Variants in REXO1 observed in about 807,000 individuals in gnomAD.
REXO1 encodes the protein RNA exonuclease 1 homolog.
REXO1 carries 42 observed loss-of-function variants against 102.6 expected under a neutral mutation model. The ratio of observed to expected loss-of-function variants is 0.41; its 90% CI spans 0.32 to 0.53. The LOEUF (loss-of-function observed/expected upper bound fraction) is 0.53. Ranked by LOEUF, REXO1 falls within the 20% of genes least tolerant of loss-of-function variation. The pLI is 0.27. For missense variants in REXO1, 1,819 were observed against 1,732.5 expected (o/e 1.05, Z -0.89); for synonymous variants, 908 against 779.1 (o/e 1.17, Z -2.76).
At chr19:1,848,162 G>A (rs1053049570) in intron 1 of REXO1, 40 bp downstream of exon 1, 28 of 1,062,720 alleles carry the variant, frequency 2.6e-5, no homozygotes, top group African/African-American at 3.3e-5. Context: ...GACCCGGGCA[G>A]GGGAGCCGAG....
Position 1,816,307 on chromosome 19 carries a change from G to A in REXO1, c.3495C>T (p.Phe1165=), listed in dbSNP as rs771528140. 5 of 1,589,844 alleles carry A rather than the reference G, an allele frequency of 3.1e-6. No individual in the cohort carries two copies. Among genetic ancestry groups the A allele is most frequent in the Non-Finnish European group, 4.3e-6 (5 of 1,168,678 alleles). ...HSTVVDTSVL[F]PHRLGLPYKR... Reference sequence around the variant, plus strand: ...TGTAGGGGAGGCCCAGGCGGTGGGGGAAGAGCACAGACGTGTCCACCACGG... The same window carrying A: ...TGTAGGGGAGGCCCAGGCGGTGGGGAAAGAGCACAGACGTGTCCACCACGG... The change falls in exon 15 of 16, where the codon TTC becomes TTT. Residue 1165 remains phenylalanine, a synonymous_variant. Transcript: ENST00000170168.
Position 1,827,935 on chromosome 19 carries a change from C to A in REXO1, c.854G>T (p.Arg285Met), listed in dbSNP as rs755879034. The part of the protein sequence containing the change: ...LCDPFGSCDA[R>M]FSDSEDEAAT... Reference sequence around the variant, plus strand: ...GGCCTCATCTTCTGAGTCTGAGAACCTTGCATCGCAACTGCCAAAGGGGTC... The same window carrying A: ...GGCCTCATCTTCTGAGTCTGAGAACATTGCATCGCAACTGCCAAAGGGGTC... The change falls in exon 2 of 16, where the codon AGG becomes ATG. Residue 285 changes from arginine to methionine, a missense_variant. Physicochemically the swap from Arg to Met is moderately conservative, Grantham distance 91. Coordinates refer to ENST00000170168, the MANE Select transcript of REXO1 (RefSeq NM_020695.4). 6.2e-7 allele frequency: 1 copy of A among 1,613,768 alleles called. No homozygotes were observed. Among genetic ancestry groups the A allele is most frequent in the Non-Finnish European group, 8.5e-7 (1 of 1,179,884 alleles).
In REXO1 at chr19:1,816,684, G is replaced by A; in HGVS notation, c.3317+14C>T. ...CTGGGAGGGCTCCCAGCTCGTGGAG[G>A]GCACTGGCCACACCTGGTGTTGTAG... On this transcript the variant is annotated intron_variant, in intron 13 of 15. Transcript: ENST00000170168. The A allele has an allele frequency of 6.2e-6, 10 of 1,610,236 alleles. No individual in the cohort carries two copies. The highest frequency in any genetic ancestry group is 8.5e-6 in the Non-Finnish European group (10 of 1,177,774).
rs755591007 is a variant in REXO1 at position 1,817,790 on chromosome 19, A to G, written c.3017-10T>C. 3.7e-6 allele frequency: 6 copies of G among 1,609,584 alleles called. No individual in the cohort carries two copies. Among genetic ancestry groups the G allele is most frequent in the Non-Finnish European group, 5.1e-6 (6 of 1,178,158 alleles). ...TCCCAGCCTCCGGCCACTGCAGGGG[A>G]CACAGACACACAGTCAGGGCCCGGC... is the stretch of plus-strand genomic sequence containing the variant. On this transcript the variant is annotated splice_polypyrimidine_tract_variant and intron_variant, in intron 10 of 15. Coordinates refer to ENST00000170168, the MANE Select transcript of REXO1 (RefSeq NM_020695.4).
rs775916033 is a variant in REXO1, at chr19:1,818,631, C to T, written c.2903-36G>A. ...GGACCCAGGTGGAAGCTGAGGCTCA[C>T]GCTGGGGCCCGCATGCCCGGCCTTG... On this transcript the variant is annotated intron_variant, in intron 9 of 15. Transcript: ENST00000170168. 9 of 1,607,176 alleles carry T rather than the reference C, an allele frequency of 5.6e-6. No individual in the cohort carries two copies. In the East Asian group the frequency reaches 1.1e-4, roughly 20 times the overall value.
Position 1,826,808 on chromosome 19 carries a change from TAGA to T in REXO1, c.1911+67_1911+69del, listed in dbSNP as rs1447373745. The T allele has an allele frequency of 9.8e-6, 15 of 1,529,134 alleles. No homozygotes were observed. The highest frequency in any genetic ancestry group is 8.9e-5 in the Admixed American group (4 of 44,730). The allele number at this position is 1,529,134 out of a possible 1,614,324, so 94.7% of individuals were successfully genotyped here. On this transcript the variant is annotated intron_variant, in intron 2 of 15. Coordinates refer to ENST00000170168, the MANE Select transcript of REXO1 (RefSeq NM_020695.4). The surrounding 1 kb of genome is among the most constrained non-coding windows in gnomAD (Gnocchi z 4.3). ...CGAGCCAACTGGAAACCACTCCAGATAGAAGGTCTCTCACCAGGCCCTCGGCTC... is the reference window on the plus strand; with the variant it reads ...CGAGCCAACTGGAAACCACTCCAGATAGGTCTCTCACCAGGCCCTCGGCTC...
intron 10 of REXO1, among the ~76,000 whole-genome samples, chr19:1,818,138 A>C (rs901587484): frequency 7.2e-5 from 11 of 152,020 alleles, no homozygotes; most frequent in Non-Finnish European, 1.3e-4. Context: ...ATTGAATAGA[A>C]CCACCAGGCC....
intron 12 of REXO1, 94 bp from the exon 13 acceptor site, chr19:1,816,907 C>A: frequency 1.0e-6 from 1 of 956,728 alleles, no homozygotes; most frequent in Non-Finnish European, 1.6e-6. Context: ...CCCCTCCAGG[C>A]AGAGGCAGTG....
chr19:1,838,443 A>C (rs1274769835), intron 1 of REXO1, among the ~76,000 whole-genome samples: 1 of 151,872 alleles, frequency 6.6e-6, no homozygotes, highest in Non-Finnish European at 1.5e-5. Flanking sequence ...ACATGCAGAA[A>C]TCCTGTCTCT....
At position 1,831,542 on chromosome 19, in the gene REXO1, G is replaced by T. The variant is rs541892916; in HGVS notation, c.158-2911C>A. 2.4e-3 allele frequency among the ~76,000 whole-genome samples: 370 copies of T among 152,080 alleles called. 2 individuals carry two copies. Among genetic ancestry groups the T allele is most frequent in the African/African-American group, 7.5e-3 (310 of 41,496 alleles). On this transcript the variant is annotated intron_variant, in intron 1 of 15. Transcript: ENST00000170168. ...CCCCCTCAAGCCCCAGCAGGCATAAGAAAGAAATGGCTGGTTTCGGCCGGT... is the reference window on the plus strand; with the variant it reads ...CCCCCTCAAGCCCCAGCAGGCATAATAAAGAAATGGCTGGTTTCGGCCGGT...
At chr19:1,816,405 G>T (rs752786161) in intron 14 of REXO1, 26 bp downstream of exon 14, 23 of 1,605,838 alleles carry the variant, frequency 1.4e-5, no homozygotes, top group Non-Finnish European at 1.8e-5. Context: ...CTGGAGAACC[G>T]CGCGGGACCC....
intron 1 of REXO1, among the ~76,000 whole-genome samples, chr19:1,836,811 GC>G (rs1305347484): frequency 6.6e-6 from 1 of 151,860 alleles, no homozygotes; most frequent in Non-Finnish European, 1.5e-5. Flanking sequence ...CGTTCGGTGG[GC>G]CCGCAGGGCT....
At position 1,819,755 on chromosome 19, in the gene REXO1, T is replaced by C. The variant is rs377479343; in HGVS notation, c.2650+179A>G. Among the ~76,000 whole-genome samples, 408 of 152,230 alleles carry C rather than the reference T, an allele frequency of 2.7e-3. 2 individuals are homozygous for C. The highest frequency in any genetic ancestry group is 9.0e-3 in the African/African-American group (374 of 41,544). Reference sequence around the variant, plus strand: ...TGACAGCGAGGACACCAGGGCCAGGTCCGTCCTACACAGAAGCCTGGGAAC... The same window carrying C: ...TGACAGCGAGGACACCAGGGCCAGGCCCGTCCTACACAGAAGCCTGGGAAC... On this transcript the variant is annotated intron_variant, in intron 7 of 15. Transcript: ENST00000170168.
At position 1,848,308 on chromosome 19, in the gene REXO1, A is replaced by G; in HGVS notation, c.51T>C (p.Ser17=). The G allele has an allele frequency of 8.1e-7, 1 of 1,230,456 alleles. No individual in the cohort carries two copies. The highest frequency in any genetic ancestry group is 1.0e-6 in the Non-Finnish European group (1 of 980,274). 76.2% of individuals were successfully genotyped at this position (1,230,456 alleles called of 1,614,324 possible). The part of the protein sequence containing the change: ...FFRAIDCPYW[S]GAPGGPCRRP... Reference sequence around the variant, plus strand: ...GCCGGCAGGGCCCCCCGGGCGCCCCAGACCAATAGGGGCAGTCAATGGCCC... The same window carrying G: ...GCCGGCAGGGCCCCCCGGGCGCCCCGGACCAATAGGGGCAGTCAATGGCCC... The change falls in exon 1 of 16, where the codon TCT becomes TCC. Residue 17 remains serine (S), a synonymous_variant. Transcript: ENST00000170168.
At chr19:1,829,428 G>A (rs1272458975) in intron 1 of REXO1, among the ~76,000 whole-genome samples, 2 of 151,178 alleles carry the variant, frequency 1.3e-5, no homozygotes, top group African/African-American at 4.9e-5. Context: ...TAGTAGAGAT[G>A]GGGTTTCACC....
rs1396518602 is a variant in REXO1 at position 1,821,572 on chromosome 19, T to C, written c.2341A>G (p.Lys781Glu). 1 of 1,613,740 alleles carries C rather than the reference T, an allele frequency of 6.2e-7. No individual in the cohort carries two copies. The highest frequency in any genetic ancestry group is 1.3e-5 in the African/African-American group (1 of 74,892). The change falls in exon 5 of 16, where the codon AAG becomes GAG. Residue 781 changes from lysine (K) to glutamate (E), a missense_variant. Transcript: ENST00000170168. ...KTRTLSGMAS[K>E]TTTTIIPKRI... ...TTAGGGATGATGGTGGTGGTAGTCT[T>C]GGACGCCATCCCCGACAATGTGCGT...
intron 11 of REXO1, 24 bp from the exon 12 acceptor site, chr19:1,817,353 G>A: frequency 6.2e-7 from 1 of 1,610,176 alleles, no homozygotes; most frequent in Non-Finnish European, 8.5e-7. Context: ...AGGCAGGTGA[G>A]GGCAGCTTCG....
Position 1,827,883 on chromosome 19 carries a change from G to T in REXO1, c.906C>A (p.Thr302=). 1 of 1,613,706 alleles carries T rather than the reference G, an allele frequency of 6.2e-7. No homozygotes were observed. The highest frequency in any genetic ancestry group is 8.5e-7 in the Non-Finnish European group (1 of 1,179,876). The change falls in exon 2 of 16, where the codon ACC becomes ACA. Residue 302 remains threonine (T), a synonymous_variant. Coordinates refer to ENST00000170168, the MANE Select transcript of REXO1 (RefSeq NM_020695.4). ...EAATVPGNEP[T]TASTPKARAD... ...CCCTGGCTTTGGGGGTGCTGGCCGT[G>T]GTGGGCTCGTTACCTGGGACCGTGG...
intron 1 of REXO1, among the ~76,000 whole-genome samples, chr19:1,837,404 A>C (rs942682627): frequency 2.0e-5 from 3 of 152,196 alleles, no homozygotes; most frequent in Non-Finnish European, 4.4e-5. Flanking sequence ...CCCGCTGCTC[A>C]GAGGCAAAGG....
Sources: allele counts gnomAD v4.1 joint callset (sites outside exome capture counted in the v4.1 genomes callset), GRCh38; gene constraint gnomAD v4.1.1; non-coding constraint Gnocchi (gnomAD v3.1); transcripts MANE v1.5; gene names NCBI Gene and HGNC (gene_info 2026-07-23, HGNC 2026-07-21).